CACNA2D3: variants seen among roughly 807,000 people sequenced by gnomAD.
CACNA2D3 encodes the protein calcium voltage-gated channel auxiliary subunit alpha2delta 3, also known as voltage-dependent calcium channel subunit alpha-2/delta-3.
CACNA2D3 carries 60 observed loss-of-function variants against 160.6 expected under a neutral mutation model. The ratio of observed to expected loss-of-function variants is 0.37; its 90% CI spans 0.30 to 0.46. The LOEUF is 0.46. Among genes scored for constraint, CACNA2D3 ranks in the 20% least tolerant of loss-of-function variants. The pLI is 1.00. For synonymous variants in CACNA2D3, 558 were observed against 492.9 expected, an observed-to-expected ratio of 1.13 and a Z score of -1.75; for missense variants, 1,205 against 1,365.0, an observed-to-expected ratio of 0.88 and a Z score of 1.85.
intron 5 of CACNA2D3, among the ~76,000 whole-genome samples, chr3:54,511,864 C>T (rs545335307): frequency 2.6e-4 from 39 of 152,298 alleles, no homozygotes; most frequent in African/African-American, 9.1e-4. Flanking sequence ...TCTATGATAA[C>T]TTCAGGATCA....
rs529306693 is a variant in CACNA2D3 at position 54,363,474 on chromosome 3, A to G, written c.322-23241A>G. 7.9e-5 allele frequency among the ~76,000 whole-genome samples: 12 copies of G among 152,206 alleles called. No individual in the cohort carries two copies. The South Asian group carries it at 2.5e-3, about 32-fold the overall frequency. On this transcript the variant is annotated intron_variant, in intron 3 of 37. Coordinates refer to ENST00000474759, the MANE Select transcript of CACNA2D3 (RefSeq NM_018398.3). ...TTGTCACATTGGCCTCCTGGGTTAA[A>G]ATAATAGCTGAGGTCTTTAATAACT...
At chr3:54,813,422 A>G (rs1703375604) in intron 13 of CACNA2D3, among the ~76,000 whole-genome samples, 1 of 152,150 alleles carries the variant, frequency 6.6e-6, no homozygotes, top group African/African-American at 2.4e-5. Context: ...TCCAGGGGTC[A>G]CTGAGACATC....
chr3:54,550,394 T>C (rs1702136507), intron 5 of CACNA2D3, among the ~76,000 whole-genome samples: 1 of 151,966 alleles, frequency 6.6e-6, no homozygotes, highest in Non-Finnish European at 1.5e-5. Context: ...CGTGATGGAG[T>C]GCGAGGGGGC....
intron 2 of CACNA2D3, among the ~76,000 whole-genome samples, chr3:54,304,811 C>G (rs560203844): frequency 6.6e-6 from 1 of 152,140 alleles, no homozygotes; most frequent in East Asian, 1.9e-4. Context: ...AAAGCTATGT[C>G]ACAAAGCAAA....
intron 27 of CACNA2D3, among the ~76,000 whole-genome samples, chr3:54,914,807 G>A (rs4359784): frequency 0.14 from 21,452 of 152,128 alleles, 1,748 homozygotes; most frequent in African/African-American, 0.22. Flanking sequence ...AATTTTGTGT[G>A]GGTTTCTGTC....
chr3:54,177,007 A>G (rs138025051), intron 2 of CACNA2D3, among the ~76,000 whole-genome samples: 2 of 152,192 alleles, frequency 1.3e-5, no homozygotes, highest in Middle Eastern at 3.4e-3. Flanking sequence ...CAACTTGGGG[A>G]TGATAGTAGG....
At position 54,194,234 on chromosome 3, in the gene CACNA2D3, CCAACACATAGAAATAAT is replaced by C. The variant is rs1306834674; in HGVS notation, c.204+70641_204+70657del. On this transcript the variant is annotated intron_variant, in intron 2 of 37. Transcript: ENST00000474759. ...CTAGAAGATAGGGCTTGAAATGTTC[CCAACACATAGAAATAAT>C]AAATATGCAAGAAGATGGATACCCC... Among the ~76,000 whole-genome samples the C allele has an allele frequency of 1.8e-4, 28 of 152,128 alleles. No homozygotes were observed. In the East Asian group the frequency reaches 4.8e-3, roughly 26 times the overall value.
At chr3:55,041,209 G>C (rs371949056) in intron 35 of CACNA2D3, among the ~76,000 whole-genome samples, 2 of 152,230 alleles carry the variant, frequency 1.3e-5, no homozygotes, top group African/African-American at 4.8e-5. Flanking sequence ...TTCGAGCCTT[G>C]TCTTATTACA....
intron 2 of CACNA2D3, among the ~76,000 whole-genome samples, chr3:54,228,842 G>A (rs1216809792): frequency 6.6e-6 from 1 of 152,190 alleles, no homozygotes; most frequent in Non-Finnish European, 1.5e-5. Flanking sequence ...CTTCAGACAT[G>A]CCAGAGCGAC....
At chr3:54,793,655 C>G (rs764312846) in intron 13 of CACNA2D3, among the ~76,000 whole-genome samples, 1 of 152,172 alleles carries the variant, frequency 6.6e-6, no homozygotes, top group South Asian at 2.1e-4. Flanking sequence ...CCACGTAACT[C>G]CCTTTGTCTA....
At chr3:54,321,380 C>G (rs1481922974) in intron 3 of CACNA2D3, among the ~76,000 whole-genome samples, 1 of 151,958 alleles carries the variant, frequency 6.6e-6, no homozygotes, top group Non-Finnish European at 1.5e-5. Flanking sequence ...CTCCTGGGCT[C>G]TAGTGATCCT....
At chr3:54,867,882 G>A (rs574372699) in intron 17 of CACNA2D3, among the ~76,000 whole-genome samples, 6 of 152,338 alleles carry the variant, frequency 3.9e-5, no homozygotes, top group East Asian at 1.9e-4. Context: ...ATCCTGGAGC[G>A]ATGTGGGCCT....
At chr3:54,418,018 G>A (rs1699782576) in intron 4 of CACNA2D3, among the ~76,000 whole-genome samples, 1 of 152,154 alleles carries the variant, frequency 6.6e-6, no homozygotes, top group Non-Finnish European at 1.5e-5. Context: ...GAGCTCCTGG[G>A]CTCAAGTGAT....
chr3:54,909,452 A>T (rs1048071779), intron 27 of CACNA2D3, among the ~76,000 whole-genome samples: 3 of 152,058 alleles, frequency 2.0e-5, no homozygotes, highest in Non-Finnish European at 4.4e-5. Context: ...CATGCTAAGT[A>T]AAGGGCCCAC....
At chr3:54,484,482 C>G (rs754029733) in intron 4 of CACNA2D3, among the ~76,000 whole-genome samples, 1 of 152,090 alleles carries the variant, frequency 6.6e-6, no homozygotes. Context: ...ACCGTGGTAA[C>G]CGGGGATGGA....
chr3:54,354,332 C>G (rs975513229), intron 3 of CACNA2D3, among the ~76,000 whole-genome samples: 3 of 152,142 alleles, frequency 2.0e-5, no homozygotes, highest in African/African-American at 7.2e-5. Flanking sequence ...CTGATGATAT[C>G]TCTTTAAATT....
At chr3:54,383,091 G>A (rs762968690) in intron 3 of CACNA2D3, among the ~76,000 whole-genome samples, 6 of 152,078 alleles carry the variant, frequency 3.9e-5, no homozygotes, top group South Asian at 2.1e-4. Context: ...CATACGATCC[G>A]CCCCCCTTGG....
chr3:54,991,287 ATC>A (rs1702735865), intron 31 of CACNA2D3, among the ~76,000 whole-genome samples: 1 of 151,116 alleles, frequency 6.6e-6, no homozygotes, highest in Non-Finnish European at 1.5e-5. Flanking sequence ...CAGTGGTACA[ATC>A]TCAGCTCACT....
intron 5 of CACNA2D3, among the ~76,000 whole-genome samples, chr3:54,552,399 T>G (rs1027945458): frequency 3.9e-5 from 6 of 152,218 alleles, no homozygotes; most frequent in African/African-American, 9.6e-5. Context: ...GAGCCACGTG[T>G]TACCCTGGTC....
Sources: allele counts gnomAD v4.1 joint callset (sites outside exome capture counted in the v4.1 genomes callset), GRCh38; gene constraint gnomAD v4.1.1; transcripts MANE v1.5; gene names NCBI Gene and HGNC (gene_info 2026-07-23, HGNC 2026-07-21).